Variants in STPG2 observed in about 807,000 individuals in gnomAD.
STPG2 encodes the protein sperm tail PG-rich repeat containing 2.
STPG2 carries 56 observed loss-of-function variants against 54.2 expected under a neutral mutation model. The observed-to-expected ratio is 1.03, with a 90% CI of 0.83 to 1.29. The LOEUF (loss-of-function observed/expected upper bound fraction) is 1.29, where lower values mean the gene tolerates loss of function less well. STPG2 is among the 50% of genes most tolerant of loss of function. The pLI is 0.00. For missense variants in STPG2, 596 were observed against 544.9 expected, an observed-to-expected ratio of 1.09 and a Z score of -0.93; for synonymous variants, 200 against 181.8, an observed-to-expected ratio of 1.10 and a Z score of -0.81.
intron 5 of STPG2, among the ~76,000 whole-genome samples, chr4:98,007,611 G>A (rs2149279864): frequency 6.6e-6 from 1 of 152,106 alleles, no homozygotes; most frequent in East Asian, 1.9e-4. Context: ...GATCCTAACT[G>A]AAATAAAATT....
At chr4:97,933,076 G>T (rs1413545285) in intron 8 of STPG2, among the ~76,000 whole-genome samples, 1 of 151,976 alleles carries the variant, frequency 6.6e-6, no homozygotes, top group Non-Finnish European at 1.5e-5. Context: ...GGCATAAGAT[G>T]GTATCTTATT....
intron 4 of STPG2, among the ~76,000 whole-genome samples, chr4:97,536,638 C>T (rs774981018): frequency 5.3e-5 from 8 of 152,126 alleles, no homozygotes; most frequent in African/African-American, 1.4e-4. Context: ...TGTCAGATGA[C>T]GTAAAGGCTT....
intron 5 of STPG2, among the ~76,000 whole-genome samples, chr4:98,059,784 A>G (rs1235849238): frequency 6.6e-6 from 1 of 152,246 alleles, no homozygotes. Context: ...AATATGATTC[A>G]TCACATAAAC....
At chr4:97,789,579 A>G (rs1328561343) in intron 9 of STPG2, among the ~76,000 whole-genome samples, 1 of 152,162 alleles carries the variant, frequency 6.6e-6, no homozygotes, top group Non-Finnish European at 1.5e-5. Context: ...AGTGCCATAC[A>G]CTTACTATAT....
At chr4:97,581,352 T>C (rs1200027448) in intron 10 of STPG2, among the ~76,000 whole-genome samples, 1 of 152,130 alleles carries the variant, frequency 6.6e-6, no homozygotes, top group African/African-American at 2.4e-5. Flanking sequence ...CTCTGGAGTC[T>C]CTGCTTTTAC....
At chr4:97,786,483 G>A (rs1476529490) in intron 9 of STPG2, among the ~76,000 whole-genome samples, 2 of 152,090 alleles carry the variant, frequency 1.3e-5, no homozygotes, top group Admixed American at 1.3e-4. Flanking sequence ...AAATGCAGTA[G>A]CTCTCCCTTA....
intron 7 of STPG2, among the ~76,000 whole-genome samples, chr4:97,955,953 C>A (rs1010008595): frequency 3.3e-5 from 5 of 152,120 alleles, no homozygotes; most frequent in Non-Finnish European, 4.4e-5. Context: ...AGCAGCAGAC[C>A]TGGACCAGAA....
Position 98,066,438 on chromosome 4 carries a change from A to C in STPG2, c.612+39515T>G, listed in dbSNP as rs537388932. The stretch of plus-strand genomic sequence containing the variant: ...ACTCCATCTCTAATACAAATACAAA[A>C]ATTAGCCAGGTATGGTGGTGCATGC... On this transcript the variant is annotated intron_variant, in intron 5 of 10. Transcript: ENST00000295268. Among the ~76,000 whole-genome samples the C allele has an allele frequency of 7.9e-5, 12 of 152,218 alleles. 1 individual carries two copies. Among genetic ancestry groups the C allele is most frequent in the Middle Eastern group, 3.4e-3 (1 of 294 alleles).
chr4:97,534,306 T>C (rs1257456481), intron 4 of STPG2, among the ~76,000 whole-genome samples: 4 of 152,164 alleles, frequency 2.6e-5, no homozygotes, highest in African/African-American at 4.8e-5. Context: ...GAATTCTCTA[T>C]GTATTTCCAT....
chr4:97,599,624 C>A (rs988767712), intron 10 of STPG2, among the ~76,000 whole-genome samples: 1 of 151,896 alleles, frequency 6.6e-6, no homozygotes, highest in South Asian at 2.1e-4. Flanking sequence ...GAGATCAAGA[C>A]CATCCTGGGT....
At chr4:98,134,189 T>C (rs958051373) in intron 2 of STPG2, among the ~76,000 whole-genome samples, 158 bp downstream of exon 2, 1 of 151,916 alleles carries the variant, frequency 6.6e-6, no homozygotes, top group South Asian at 2.1e-4. Context: ...GCAACCAACA[T>C]TGAATAAATT....
intron 4 of STPG2, among the ~76,000 whole-genome samples, chr4:97,526,107 T>C (rs1014332978): frequency 6.6e-6 from 1 of 152,082 alleles, no homozygotes; most frequent in Non-Finnish European, 1.5e-5. Context: ...GTAAGATTAG[T>C]TTCCCTCTAA....
At chr4:97,639,275 A>T (rs1721677696) in intron 10 of STPG2, among the ~76,000 whole-genome samples, 2 of 151,290 alleles carry the variant, frequency 1.3e-5, no homozygotes, top group African/African-American at 4.9e-5. Context: ...ATTCTCACTC[A>T]TAGGTGGGAA....
At chr4:97,569,991 CA>C (rs1157626766) in intron 10 of STPG2, among the ~76,000 whole-genome samples, 1 of 151,864 alleles carries the variant, frequency 6.6e-6, no homozygotes, top group South Asian at 2.1e-4. Flanking sequence ...ATTACTCCAA[CA>C]AAAAGTACAT....
At chr4:97,552,512 G>C (rs1169751049) in intron 4 of STPG2, among the ~76,000 whole-genome samples, 1 of 151,896 alleles carries the variant, frequency 6.6e-6, no homozygotes, top group Non-Finnish European at 1.5e-5. Flanking sequence ...TTTAGAACTA[G>C]ATATCATATC....
At chr4:97,635,127 C>T (rs1721461623) in intron 10 of STPG2, among the ~76,000 whole-genome samples, 1 of 152,156 alleles carries the variant, frequency 6.6e-6, no homozygotes, top group East Asian at 1.9e-4. Context: ...GCCCATCAGA[C>T]TAACAGCGGA....
intron 4 of STPG2, among the ~76,000 whole-genome samples, chr4:97,452,256 G>A (rs1729396501): frequency 6.6e-6 from 1 of 151,904 alleles, no homozygotes; most frequent in Non-Finnish European, 1.5e-5. Flanking sequence ...GCCTGCTCCT[G>A]CTTCCTGGCT....
At chr4:97,799,934 A>G (rs1429703620) in intron 9 of STPG2, among the ~76,000 whole-genome samples, 5 of 151,934 alleles carry the variant, frequency 3.3e-5, no homozygotes, top group Non-Finnish European at 7.4e-5. Flanking sequence ...TCATTCATTT[A>G]TCTTCCATCA....
At chr4:97,652,462 T>C (rs571719598) in intron 10 of STPG2, among the ~76,000 whole-genome samples, 151 of 151,660 alleles carry the variant, frequency 1.0e-3, no homozygotes, top group Middle Eastern at 3.4e-3. Context: ...TATATGTTCT[T>C]ACAAAAAAAA....
Sources: allele counts gnomAD v4.1 joint callset (sites outside exome capture counted in the v4.1 genomes callset), GRCh38; gene constraint gnomAD v4.1.1; transcripts MANE v1.5; gene names NCBI Gene and HGNC (gene_info 2026-07-23, HGNC 2026-07-21).